Variants in TMEM132C observed in about 807,000 individuals in gnomAD.
The protein encoded by TMEM132C is transmembrane protein 132C.
TMEM132C carries 29 observed loss-of-function variants against 61.4 expected under a neutral mutation model. The observed-to-expected ratio is 0.47, with a 90% CI of 0.35 to 0.64. TMEM132C has a LOEUF of 0.64. Among genes scored for constraint, TMEM132C ranks in the 30% least tolerant of loss-of-function variants. The pLI is 0.00. For missense variants in TMEM132C, 1,408 were observed against 1,476.9 expected (o/e 0.95, Z 0.76); for synonymous variants, 656 against 633.1 (o/e 1.04, Z -0.54).
At chr12:128,609,439 G>T (rs1876552075) in intron 3 of TMEM132C, among the ~76,000 whole-genome samples, 1 of 151,652 alleles carries the variant, frequency 6.6e-6, no homozygotes, top group Admixed American at 6.6e-5. Flanking sequence ...TTGTTTGTTT[G>T]TGGAGACAGG....
chr12:128,688,112 T>A (rs1484803110), intron 5 of TMEM132C, among the ~76,000 whole-genome samples: 1 of 152,206 alleles, frequency 6.6e-6, no homozygotes, highest in African/African-American at 2.4e-5. Flanking sequence ...ACTGGCCCCT[T>A]GCCACGGGCA....
intron 3 of TMEM132C, among the ~76,000 whole-genome samples, chr12:128,568,317 T>C (rs936886418): frequency 9.2e-5 from 14 of 152,224 alleles, no homozygotes; most frequent in African/African-American, 3.1e-4. Flanking sequence ...TAGATTTTCA[T>C]AGCAGCAAGG....
chr12:128,482,801 CT>C (rs1184550955), intron 2 of TMEM132C, among the ~76,000 whole-genome samples: 1 of 152,140 alleles, frequency 6.6e-6, no homozygotes, highest in African/African-American at 2.4e-5. Context: ...ACTGAGTCCC[CT>C]CTCTCCTCCC....
At chr12:128,587,273 G>C (rs1875583663) in intron 3 of TMEM132C, among the ~76,000 whole-genome samples, 1 of 152,224 alleles carries the variant, frequency 6.6e-6, no homozygotes, top group Admixed American at 6.5e-5. Context: ...AGTTCTGCAG[G>C]CTGGGAAGTT....
At chr12:128,430,305 G>A (rs553156162) in intron 2 of TMEM132C, among the ~76,000 whole-genome samples, 27 of 152,294 alleles carry the variant, frequency 1.8e-4, no homozygotes, top group Non-Finnish European at 3.2e-4. Flanking sequence ...CACAAATGAC[G>A]GATGGGAGGG....
At chr12:128,580,685 C>G (rs142762553) in intron 3 of TMEM132C, among the ~76,000 whole-genome samples, 15 of 152,150 alleles carry the variant, frequency 9.9e-5, no homozygotes, top group African/African-American at 3.4e-4. Context: ...TGGCATTGAT[C>G]AGGATGGAGA....
At chr12:128,397,710 G>A (rs1430592784) in intron 1 of TMEM132C, among the ~76,000 whole-genome samples, 1 of 152,058 alleles carries the variant, frequency 6.6e-6, no homozygotes, top group African/African-American at 2.4e-5. Context: ...CACTCCTGCA[G>A]CGTGGAGTCC....
intron 1 of TMEM132C, among the ~76,000 whole-genome samples, chr12:128,290,711 T>C (rs1278635498): frequency 6.6e-6 from 1 of 151,962 alleles, no homozygotes; most frequent in Non-Finnish European, 1.5e-5. Flanking sequence ...CCTTTCCAAA[T>C]AAACATAAAA....
At chr12:128,487,602 G>GGT (rs1034692336) in intron 2 of TMEM132C, among the ~76,000 whole-genome samples, 3 of 51,136 alleles carry the variant, frequency 5.9e-5, no homozygotes, top group Non-Finnish European at 1.1e-4. Context: ...TGTGTGTGTG[G>GGT]GTATATATAT....
At position 128,454,676 on chromosome 12, in the gene TMEM132C, A is replaced by G. The variant is rs189210964; in HGVS notation, c.974+39056A>G. Among the ~76,000 whole-genome samples the G allele has an allele frequency of 7.9e-4, 121 of 152,308 alleles. 2 individuals carry two copies. The East Asian group carries it at 0.017, about 21-fold the overall frequency. ...AGCGCTTATATGGCTTGGAGTTGAC[A>G]CTGACCCTTGGCTGGATGCTGAGCT... On this transcript the variant is annotated intron_variant, in intron 2 of 8. Coordinates refer to ENST00000435159, the MANE Select transcript of TMEM132C (RefSeq NM_001136103.3).
At chr12:128,597,253 G>C (rs1380359368) in intron 3 of TMEM132C, among the ~76,000 whole-genome samples, 1 of 152,132 alleles carries the variant, frequency 6.6e-6, no homozygotes, top group Non-Finnish European at 1.5e-5. Context: ...GCTGAGGTGG[G>C]TGGATCACTT....
At chr12:128,453,405 G>T (rs570231033) in intron 2 of TMEM132C, among the ~76,000 whole-genome samples, 22 of 152,314 alleles carry the variant, frequency 1.4e-4, no homozygotes, top group South Asian at 4.1e-4. Flanking sequence ...TTCTCCCTTT[G>T]TGGTCTTTCA....
chr12:128,319,937 T>C (rs1309999276), intron 1 of TMEM132C, among the ~76,000 whole-genome samples: 3 of 152,192 alleles, frequency 2.0e-5, no homozygotes, highest in African/African-American at 7.2e-5. Flanking sequence ...TGTGAGATCT[T>C]GGACATTTCC....
At chr12:128,525,509 G>A (rs1389472241) in intron 2 of TMEM132C, among the ~76,000 whole-genome samples, 3 of 152,162 alleles carry the variant, frequency 2.0e-5, no homozygotes, top group Non-Finnish European at 4.4e-5. Context: ...AGTATCTCTT[G>A]AGCTGACTTT....
chr12:128,342,429 G>A (rs529970475), intron 1 of TMEM132C, among the ~76,000 whole-genome samples: 1 of 152,302 alleles, frequency 6.6e-6, no homozygotes, highest in South Asian at 2.1e-4. Flanking sequence ...ATTAGTCAAG[G>A]AGTCCAGTTA....
intron 2 of TMEM132C, among the ~76,000 whole-genome samples, chr12:128,441,219 C>G (rs1379653721): frequency 1.3e-5 from 2 of 152,208 alleles, no homozygotes; most frequent in African/African-American, 4.8e-5. Flanking sequence ...GTGCGAGGAG[C>G]AGAGCCACGG....
intron 1 of TMEM132C, among the ~76,000 whole-genome samples, chr12:128,267,960 A>G (rs1870370051): frequency 6.6e-6 from 1 of 152,152 alleles, no homozygotes; most frequent in Non-Finnish European, 1.5e-5. Context: ...GTGCTCCAGG[A>G]GGGAAGGCCC....
In TMEM132C at chr12:128,287,983, GGGATGATTGT is replaced by G. The variant is rs1163673105; in HGVS notation, c.85+20498_85+20507del. ...CCTTCCGGACATTGAGTTCTGAATT[GGGATGATTGT>G]GTGTTTGGTGCAGTCTTAATATCAC... On this transcript the variant is annotated intron_variant, in intron 1 of 8. Transcript: ENST00000435159. 2.0e-5 allele frequency among the ~76,000 whole-genome samples: 3 copies of G among 151,992 alleles called. No individual in the cohort carries two copies. The East Asian group carries it at 5.8e-4, about 29-fold the overall frequency.
chr12:128,615,537 G>T (rs182857003), intron 3 of TMEM132C, among the ~76,000 whole-genome samples: 10 of 152,230 alleles, frequency 6.6e-5, no homozygotes, highest in African/African-American at 2.4e-4. Context: ...TTCATAAGGC[G>T]CACACAACCT....
Sources: allele counts gnomAD v4.1 joint callset (sites outside exome capture counted in the v4.1 genomes callset), GRCh38; gene constraint gnomAD v4.1.1; transcripts MANE v1.5; gene names NCBI Gene and HGNC (gene_info 2026-07-23, HGNC 2026-07-21).